Variants in ASTN1 observed in about 807,000 individuals in gnomAD.
ASTN1 encodes astrotactin 1.
Under a neutral mutation model 140.7 loss-of-function variants are expected in ASTN1, and 41 were observed. The ratio of observed to expected loss-of-function variants is 0.29; its 90% confidence interval spans 0.23 to 0.38. The LOEUF (loss-of-function observed/expected upper bound fraction) is 0.38, where lower values mean the gene tolerates loss of function less well. Among genes scored for constraint, ASTN1 ranks in the 10% least tolerant of loss-of-function variants. ASTN1 has a pLI of 1.00. For missense variants in ASTN1, 1,479 were observed against 1,678.8 expected (o/e 0.88, Z 2.08); for synonymous variants, 640 against 652.2 (o/e 0.98, Z 0.29).
chr1:176,917,077 T>A (rs1187686852), intron 16 of ASTN1, among the ~76,000 whole-genome samples: 1 of 152,216 alleles, frequency 6.6e-6, no homozygotes, highest in Non-Finnish European at 1.5e-5. Flanking sequence ...GTAGCACTCC[T>A]GCTAGGAAGG....
chr1:177,001,603 T>C (rs1674730747), intron 8 of ASTN1, among the ~76,000 whole-genome samples: 1 of 152,244 alleles, frequency 6.6e-6, no homozygotes, highest in Non-Finnish European at 1.5e-5. Flanking sequence ...CAAGTCCATC[T>C]GATTCCAAGG....
chr1:176,872,784 C>A (rs1668403729), intron 21 of ASTN1, among the ~76,000 whole-genome samples: 1 of 152,202 alleles, frequency 6.6e-6, no homozygotes, highest in South Asian at 2.1e-4. Context: ...GCTCCCTGAT[C>A]TGGAACGATC....
In ASTN1 at chr1:177,008,090, G is replaced by A. The variant is rs556153214; in HGVS notation, c.1523+6701C>T. Among the ~76,000 whole-genome samples the A allele has an allele frequency of 5.3e-5, 8 of 152,336 alleles. No homozygotes were observed. In the South Asian group the frequency reaches 1.7e-3, roughly 32 times the overall value. ...AGAGTTTCCCAAGCCAACTGGAGGG[G>A]ACGATTCTGTTAAGTCTGTCTGTGG... On this transcript the variant is annotated intron_variant, in intron 8 of 22. Coordinates refer to ENST00000361833, the MANE Select transcript of ASTN1 (RefSeq NM_004319.3).
intron 16 of ASTN1, among the ~76,000 whole-genome samples, chr1:176,897,471 C>G (rs78315940): frequency 6.6e-6 from 1 of 152,062 alleles, no homozygotes; most frequent in African/African-American, 2.4e-5. Context: ...TGACCCGCAG[C>G]CCTCCTTGTT....
chr1:177,079,751 A>C (rs995104715), intron 1 of ASTN1, among the ~76,000 whole-genome samples: 7 of 152,076 alleles, frequency 4.6e-5, no homozygotes, highest in African/African-American at 1.7e-4. Flanking sequence ...ATTCCTTCAC[A>C]ACATGAACTC....
chr1:176,910,994 T>A (rs1436518216), intron 16 of ASTN1, among the ~76,000 whole-genome samples: 1 of 152,198 alleles, frequency 6.6e-6, no homozygotes, highest in Non-Finnish European at 1.5e-5. Flanking sequence ...TTGTCTTCTA[T>A]AAAACCCGTC....
At chr1:176,967,749 C>T (rs1672944234) in intron 8 of ASTN1, among the ~76,000 whole-genome samples, 1 of 152,214 alleles carries the variant, frequency 6.6e-6, no homozygotes. Flanking sequence ...ATTAAGCACA[C>T]ATCCACTGTT....
intron 11 of ASTN1, among the ~76,000 whole-genome samples, chr1:176,951,012 T>C (rs933479607): frequency 3.9e-5 from 6 of 152,182 alleles, no homozygotes; most frequent in African/African-American, 1.2e-4. Context: ...TAGTTGAAGA[T>C]CATCACCAGG....
intron 21 of ASTN1, among the ~76,000 whole-genome samples, chr1:176,870,439 C>T (rs935939114): frequency 2.0e-5 from 3 of 152,212 alleles, no homozygotes; most frequent in Non-Finnish European, 1.5e-5. Flanking sequence ...CTCTATCCTG[C>T]CCAGACACTG....
At chr1:177,146,096 T>G (rs1255608164) in intron 1 of ASTN1, among the ~76,000 whole-genome samples, 1 of 152,088 alleles carries the variant, frequency 6.6e-6, no homozygotes, top group African/African-American at 2.4e-5. Context: ...CCATATATTT[T>G]ATTAAAAAAA....
At chr1:176,887,277 AC>A (rs1181957999) in intron 18 of ASTN1, among the ~76,000 whole-genome samples, 3 of 151,780 alleles carry the variant, frequency 2.0e-5, no homozygotes, top group African/African-American at 4.8e-5. Flanking sequence ...ACACTCAACT[AC>A]CCCATGACAG....
At chr1:177,044,993 G>A (rs945506416) in intron 2 of ASTN1, among the ~76,000 whole-genome samples, 1 of 152,086 alleles carries the variant, frequency 6.6e-6, no homozygotes, top group African/African-American at 2.4e-5. Flanking sequence ...CAGGCATGGG[G>A]TAATAGGTCT....
chr1:176,861,009 C>T (rs1367853821), downstream of ASTN1: 2 of 871,750 alleles, frequency 2.3e-6, no homozygotes, highest in African/African-American at 3.7e-5. Context: ...AACAAGTTCC[C>T]TGATGAGTCT....
intron 1 of ASTN1, among the ~76,000 whole-genome samples, chr1:177,085,937 T>C (rs1679443753): frequency 6.6e-6 from 1 of 152,132 alleles, no homozygotes; most frequent in Non-Finnish European, 1.5e-5. Flanking sequence ...TCCAAGTCCA[T>C]TGGGTTAGTG....
intron 7 of ASTN1, 22 bp downstream of exon 7, chr1:177,023,382 G>A (rs756092874): frequency 7.0e-5 from 110 of 1,562,430 alleles, no homozygotes; most frequent in South Asian, 1.1e-4. Context: ...ACAGTTACCC[G>A]CTGCCCGGTG....
chr1:177,104,829 A>T (rs773840532), intron 1 of ASTN1, among the ~76,000 whole-genome samples: 2 of 152,202 alleles, frequency 1.3e-5, no homozygotes, highest in Non-Finnish European at 2.9e-5. Context: ...TAAGAGGAAA[A>T]TATTTAGATG....
chr1:177,060,658 G>T (rs1440220251), intron 2 of ASTN1, among the ~76,000 whole-genome samples: 2 of 152,110 alleles, frequency 1.3e-5, no homozygotes, highest in East Asian at 3.9e-4. Flanking sequence ...CTGCAGGTGT[G>T]CCCAGCTAAG....
chr1:177,158,641 G>T (rs967354523), intron 1 of ASTN1, among the ~76,000 whole-genome samples: 1 of 147,560 alleles, frequency 6.8e-6, no homozygotes, highest in Non-Finnish European at 1.5e-5. Flanking sequence ...TCTAAGAAAA[G>T]AAAGAAAAAA....
chr1:177,112,991 C>T (rs1209532995), intron 1 of ASTN1, among the ~76,000 whole-genome samples: 2 of 152,212 alleles, frequency 1.3e-5, no homozygotes, highest in Non-Finnish European at 2.9e-5. Flanking sequence ...TAGACCAATT[C>T]TTTCCCAACG....
Sources: allele counts gnomAD v4.1 joint callset (sites outside exome capture counted in the v4.1 genomes callset), GRCh38; gene constraint gnomAD v4.1.1; transcripts MANE v1.5; gene names NCBI Gene and HGNC (gene_info 2026-07-23, HGNC 2026-07-21).